COL6A5: variants seen among roughly 807,000 people sequenced by gnomAD.
The protein encoded by COL6A5 is collagen type VI alpha 5 chain, also known as collagen alpha-5(VI) chain.
COL6A5 carries 48 observed loss-of-function variants against 65.6 expected under a neutral mutation model. The observed-to-expected ratio is 0.73, with a 90% CI of 0.58 to 0.93. COL6A5 has a LOEUF of 0.93. Among genes scored for constraint, COL6A5 ranks in the 40% least tolerant of loss-of-function variants. The pLI, the probability that COL6A5 is intolerant of heterozygous loss-of-function variation, is 0.00. For missense variants in COL6A5, 914 were observed against 928.3 expected (o/e 0.98, Z 0.20); for synonymous variants, 291 against 322.8 (o/e 0.90, Z 1.05).
intron 4 of COL6A5, among the ~76,000 whole-genome samples, chr3:130,450,935 G>A (rs977750665): frequency 6.6e-6 from 1 of 152,148 alleles, no homozygotes; most frequent in East Asian, 1.9e-4. Context: ...ATTTAGCTGA[G>A]CCTGCAAACG....
chr3:130,465,269 G>A (rs1031574832), intron 5 of COL6A5, among the ~76,000 whole-genome samples: 1 of 152,036 alleles, frequency 6.6e-6, no homozygotes, highest in Non-Finnish European at 1.5e-5. Context: ...ATACCAGAGA[G>A]GGATAACTGT....
intron 1 of COL6A5, among the ~76,000 whole-genome samples, chr3:130,432,519 C>G (rs1937864840): frequency 6.7e-6 from 1 of 149,894 alleles, no homozygotes; most frequent in Non-Finnish European, 1.5e-5. Context: ...CCACTACACT[C>G]CAGCCTGGCA....
intron 1 of COL6A5, among the ~76,000 whole-genome samples, chr3:130,367,582 G>A (rs1369362087): frequency 6.6e-6 from 1 of 152,144 alleles, no homozygotes; most frequent in Non-Finnish European, 1.5e-5. Context: ...GGACATGTAG[G>A]CAACCAGATT....
intron 1 of COL6A5, among the ~76,000 whole-genome samples, chr3:130,368,053 C>G (rs1935406002): frequency 6.6e-6 from 1 of 152,174 alleles, no homozygotes; most frequent in African/African-American, 2.4e-5. Flanking sequence ...GCCAAACCTC[C>G]TCGCCACACC....
At chr3:130,456,990 AG>A (rs997068891) in intron 5 of COL6A5, among the ~76,000 whole-genome samples, 26 of 152,136 alleles carry the variant, frequency 1.7e-4, no homozygotes, top group African/African-American at 6.0e-4. Context: ...CTCAAAAAAA[AG>A]TAGTGATGCA....
intron 5 of COL6A5, among the ~76,000 whole-genome samples, chr3:130,455,923 C>G: frequency 6.6e-6 from 1 of 152,136 alleles, no homozygotes; most frequent in South Asian, 2.1e-4. Flanking sequence ...CTAGCATCCA[C>G]AGTTTAGAAG....
chr3:130,355,035 A>G, intron 1 of COL6A5, among the ~76,000 whole-genome samples: 1 of 150,104 alleles, frequency 6.7e-6, no homozygotes, highest in Middle Eastern at 3.5e-3. Flanking sequence ...AAAATATATT[A>G]TTTAATTAAT....
chr3:130,403,842 A>G (rs1936897718), intron 13 of COL6A5, among the ~76,000 whole-genome samples, 180 bp downstream of exon 13: 1 of 151,916 alleles, frequency 6.6e-6, no homozygotes, highest in South Asian at 2.1e-4. Flanking sequence ...TTTTGTTTAT[A>G]TGTTTATTTT....
chr3:130,373,758 G>A (rs1304903403), intron 2 of COL6A5, 53 bp downstream of exon 2: 4 of 1,122,334 alleles, frequency 3.6e-6, no homozygotes, highest in East Asian at 2.6e-5. Flanking sequence ...TTACATCTCA[G>A]TAAACTTTAA....
chr3:130,398,633 A>G (rs1452820917), intron 10 of COL6A5, among the ~76,000 whole-genome samples: 3 of 152,118 alleles, frequency 2.0e-5, no homozygotes, highest in Non-Finnish European at 4.4e-5. Context: ...GACCTTCTAT[A>G]TAGACATGTG....
chr3:130,363,136 G>A lies in COL6A5; in HGVS notation c.-28-10475G>A, dbSNP rs1935202330. Among the ~76,000 whole-genome samples, 4 of 151,880 alleles carry A rather than the reference G, an allele frequency of 2.6e-5. No individual in the cohort carries two copies. In the South Asian group the frequency reaches 8.3e-4, roughly 32 times the overall value. On this transcript the variant is annotated intron_variant and NMD_transcript_variant, in intron 1 of 41. Coordinates refer to the COL6A5 transcript ENST00000312481. ...TTTGTGGTTTTAGTTGAGCATTTTA[G>A]GATTCAATTCTCTCTCCTTACTTAG... is the stretch of plus-strand genomic sequence containing the variant.
exon 26 of COL6A5, chr3:130,421,187 G>A (rs755141053): frequency 1.3e-6 from 2 of 1,550,636 alleles, no homozygotes; most frequent in African/African-American, 2.7e-5. Context: ...GGTCAGATGG[G>A]ACGAAAAGGA....
At chr3:130,357,754 C>T (rs1009733943) in intron 1 of COL6A5, among the ~76,000 whole-genome samples, 4 of 152,032 alleles carry the variant, frequency 2.6e-5, no homozygotes, top group African/African-American at 4.8e-5. Context: ...AAAAGGTATT[C>T]GGCAAGGTAA....
chr3:130,428,981 A>G (rs998918465), upstream of COL6A5, among the ~76,000 whole-genome samples: 2 of 152,142 alleles, frequency 1.3e-5, no homozygotes, highest in African/African-American at 4.8e-5. Context: ...ACTTTCCCGG[A>G]TTCCTCTCAG....
chr3:130,441,544 CATTGAACAGGATGTATCAGTCTGCA>C lies in COL6A5; in HGVS notation c.1241+721_1241+745del, dbSNP rs140881466. Among the ~76,000 whole-genome samples the C allele has an allele frequency of 5.1e-3, 776 of 152,258 alleles. 10 individuals are homozygous for C. The highest frequency in any genetic ancestry group is 0.017 in the African/African-American group (707 of 41,558). ...GTTGCATGACCAGTGGACTCTGTCT[CATTGAACAGGATGTATCAGTCTGCA>C]AAGAACTAGAAATAAGAATACCTCG... On this transcript the variant is annotated intron_variant, in intron 3 of 7. Transcript: ENST00000512836.
intron 4 of COL6A5, among the ~76,000 whole-genome samples, chr3:130,447,455 C>T (rs1709334954): frequency 6.6e-6 from 1 of 152,070 alleles, no homozygotes; most frequent in Non-Finnish European, 1.5e-5. Context: ...AATCCAGCGG[C>T]ATTGACATGA....
Position 130,351,814 on chromosome 3 carries a change from C to T in COL6A5, c.-29+5833C>T, listed in dbSNP as rs185685336. On this transcript the variant is annotated intron_variant and NMD_transcript_variant, in intron 1 of 41. Coordinates refer to the COL6A5 transcript ENST00000312481. ...CAGTGGTCTCTTTACTGGGTATATA[C>T]CCAAAGGATTATAAATCATTCTACT... 2.8e-3 allele frequency among the ~76,000 whole-genome samples: 433 copies of T among 152,182 alleles called. 3 individuals are homozygous for T. Among genetic ancestry groups the T allele is most frequent in the Non-Finnish European group, 2.7e-3 (183 of 68,008 alleles).
intron 1 of COL6A5, among the ~76,000 whole-genome samples, chr3:130,370,052 C>T (rs979388998): frequency 6.6e-6 from 1 of 152,118 alleles, no homozygotes; most frequent in Non-Finnish European, 1.5e-5. Context: ...TATATCTCCT[C>T]CAAAATGGCC....
At chr3:130,447,222 A>G (rs1231115819) in intron 4 of COL6A5, among the ~76,000 whole-genome samples, 1 of 152,166 alleles carries the variant, frequency 6.6e-6, no homozygotes, top group Non-Finnish European at 1.5e-5. Context: ...CTGTTTGGCA[A>G]GTAGCCCAGA....
Sources: allele counts gnomAD v4.1 joint callset (sites outside exome capture counted in the v4.1 genomes callset), GRCh38; gene constraint gnomAD v4.1.1; transcripts MANE v1.5; gene names NCBI Gene and HGNC (gene_info 2026-07-23, HGNC 2026-07-21).